PLXDC2: variants seen among roughly 807,000 people sequenced by gnomAD.
PLXDC2 encodes plexin domain-containing protein 2.
PLXDC2 carries 40 observed loss-of-function variants against 68.9 expected under a neutral mutation model. The observed-to-expected ratio is 0.58, with a 90% CI of 0.45 to 0.76. The LOEUF (loss-of-function observed/expected upper bound fraction) is 0.76. PLXDC2 is among the 30% of genes least tolerant of loss of function. The pLI is 0.00. For synonymous variants in PLXDC2, 243 were observed against 234.2 expected (o/e 1.04, Z -0.34); for missense variants, 644 against 661.9 (o/e 0.97, Z 0.30).
At chr10:20,017,779 A>G (rs1051969739) in intron 2 of PLXDC2, among the ~76,000 whole-genome samples, 1 of 152,252 alleles carries the variant, frequency 6.6e-6, no homozygotes, top group Non-Finnish European at 1.5e-5. Flanking sequence ...TGATCACTGC[A>G]CTTACATTTG....
intron 4 of PLXDC2, among the ~76,000 whole-genome samples, chr10:20,142,861 C>T (rs1205651877): frequency 6.6e-6 from 1 of 151,668 alleles, no homozygotes; most frequent in Non-Finnish European, 1.5e-5. Context: ...TCTAAAATTC[C>T]TATGCTGAGA....
At chr10:19,965,669 A>C (rs2131606453) in intron 1 of PLXDC2, among the ~76,000 whole-genome samples, 1 of 143,752 alleles carries the variant, frequency 7.0e-6, no homozygotes, top group East Asian at 2.4e-4. Flanking sequence ...TACTTGAACC[A>C]TCCCGGTCTG....
chr10:19,947,555 T>G (rs1833922446), intron 1 of PLXDC2, among the ~76,000 whole-genome samples: 1 of 152,190 alleles, frequency 6.6e-6, no homozygotes, highest in African/African-American at 2.4e-5. Flanking sequence ...TTGCTAATAT[T>G]ATTAGATCCA....
chr10:20,146,410 TC>T (rs1394919862), intron 5 of PLXDC2, among the ~76,000 whole-genome samples: 2 of 151,340 alleles, frequency 1.3e-5, no homozygotes, highest in Admixed American at 6.6e-5. Flanking sequence ...CTTCCTTGCT[TC>T]CTTTTCTTTC....
intron 4 of PLXDC2, among the ~76,000 whole-genome samples, chr10:20,125,575 G>A (rs746422417): frequency 2.5e-4 from 38 of 152,240 alleles, no homozygotes; most frequent in African/African-American, 8.7e-4. Flanking sequence ...ATATCACAGA[G>A]GTTTGAGCCT....
intron 1 of PLXDC2, among the ~76,000 whole-genome samples, chr10:19,931,588 G>A (rs945505602): frequency 6.6e-6 from 1 of 152,170 alleles, no homozygotes; most frequent in Non-Finnish European, 1.5e-5. Context: ...CGCCCCCTAG[G>A]TTTGGCCTTA....
At chr10:19,993,876 G>C (rs1834794201) in intron 1 of PLXDC2, among the ~76,000 whole-genome samples, 1 of 152,210 alleles carries the variant, frequency 6.6e-6, no homozygotes, top group Non-Finnish European at 1.5e-5. Context: ...AGAAGGGTAA[G>C]GACAGAGAGT....
At chr10:20,266,949 T>G (rs892965897) in intron 13 of PLXDC2, among the ~76,000 whole-genome samples, 1 of 152,098 alleles carries the variant, frequency 6.6e-6, no homozygotes, top group Non-Finnish European at 1.5e-5. Flanking sequence ...TGACGGAAAG[T>G]TAAGAGTTAG....
chr10:20,094,987 CA>C lies in PLXDC2; in HGVS notation c.541+26750del, dbSNP rs1342462599. Among the ~76,000 whole-genome samples, 12 of 152,250 alleles carry C rather than the reference CA, an allele frequency of 7.9e-5. 1 individual carries two copies. The highest frequency in any genetic ancestry group is 1.8e-4 in the Non-Finnish European group (12 of 68,012). ...AAGGCTCAAGCCTTCTAGAACTGCA[CA>C]ATTAGAAAAGTCTAATAGAAATGTA... is the stretch of plus-strand genomic sequence containing the variant. On this transcript the variant is annotated intron_variant, in intron 4 of 13. Transcript: ENST00000377252.
chr10:19,979,995 C>A (rs545677214), intron 1 of PLXDC2, among the ~76,000 whole-genome samples: 1 of 152,132 alleles, frequency 6.6e-6, no homozygotes, highest in African/African-American at 2.4e-5. Context: ...TGTCGTATAT[C>A]CTGGGTACCA....
At chr10:19,828,386 T>C (rs1443261713) in intron 1 of PLXDC2, among the ~76,000 whole-genome samples, 1 of 152,214 alleles carries the variant, frequency 6.6e-6, no homozygotes, top group African/African-American at 2.4e-5. Context: ...CTACAGGCAT[T>C]TGCAAAGGAG....
chr10:19,843,426 A>T (rs12247844), intron 1 of PLXDC2, among the ~76,000 whole-genome samples: 4,502 of 152,258 alleles, frequency 0.03, 186 homozygotes, highest in African/African-American at 0.095. Context: ...CCATAAGGAC[A>T]CCATCCACGG....
At chr10:19,865,230 G>A (rs1427382845) in intron 1 of PLXDC2, among the ~76,000 whole-genome samples, 1 of 152,198 alleles carries the variant, frequency 6.6e-6, no homozygotes, top group African/African-American at 2.4e-5. Context: ...CTCTTCACCT[G>A]TAGCCAAAGT....
At chr10:20,137,121 C>T (rs1833944811) in intron 4 of PLXDC2, among the ~76,000 whole-genome samples, 1 of 152,134 alleles carries the variant, frequency 6.6e-6, no homozygotes. Context: ...TACATTTAGG[C>T]CTGAAGCACA....
intron 1 of PLXDC2, among the ~76,000 whole-genome samples, chr10:19,820,806 G>C (rs189479808): frequency 6.6e-6 from 1 of 152,102 alleles, no homozygotes; most frequent in South Asian, 2.1e-4. Context: ...GGCTGGGCAC[G>C]GCAGCTCATG....
intron 4 of PLXDC2, among the ~76,000 whole-genome samples, chr10:20,128,182 C>G (rs764821603): frequency 3.3e-5 from 5 of 152,132 alleles, no homozygotes; most frequent in Non-Finnish European, 7.4e-5. Context: ...ACCAAGCAGA[C>G]CTCATGTCCT....
In PLXDC2 at chr10:19,902,684, T is replaced by C. The variant is rs146140258; in HGVS notation, c.112+85493T>C. Among the ~76,000 whole-genome samples, 615 of 152,268 alleles carry C rather than the reference T, an allele frequency of 4.0e-3. 3 individuals are homozygous for C. Among genetic ancestry groups the C allele is most frequent in the African/African-American group, 0.014 (596 of 41,550 alleles). On this transcript the variant is annotated intron_variant, in intron 1 of 13. Transcript: ENST00000377252. ...GGATGCCCTTGATTTCTTTCTCTTG[T>C]CTGATTGTCTGGCTAGGACTTCTAG...
intron 9 of PLXDC2, among the ~76,000 whole-genome samples, chr10:20,210,991 T>C (rs1324763846): frequency 6.6e-6 from 1 of 152,020 alleles, no homozygotes; most frequent in Admixed American, 6.6e-5. Context: ...TGGCCCAGGG[T>C]CCCAAGTAAA....
chr10:20,114,797 G>T (rs771192622), intron 4 of PLXDC2, among the ~76,000 whole-genome samples: 6 of 152,156 alleles, frequency 3.9e-5, no homozygotes, highest in Non-Finnish European at 8.8e-5. Context: ...ACATCTGGAG[G>T]GGTGGTGAGA....
Sources: allele counts gnomAD v4.1 joint callset (sites outside exome capture counted in the v4.1 genomes callset), GRCh38; gene constraint gnomAD v4.1.1; transcripts MANE v1.5; gene names NCBI Gene and HGNC (gene_info 2026-07-23, HGNC 2026-07-21).